SOCS6: variants seen among roughly 807,000 people sequenced by gnomAD.
The protein encoded by SOCS6 is STAT induced STAT inhibitor-4.
Under a neutral mutation model 27.7 loss-of-function variants are expected in SOCS6, and 5 were observed. The observed-to-expected ratio is 0.18, with a 90% CI of 0.09 to 0.38. The LOEUF (loss-of-function observed/expected upper bound fraction) is 0.38, where lower values mean the gene tolerates loss of function less well. Ranked by LOEUF, SOCS6 falls within the 10% of genes least tolerant of loss-of-function variation. The pLI, the probability that SOCS6 is intolerant of heterozygous loss-of-function variation, is 1.00. For missense variants in SOCS6, 595 were observed against 688.1 expected (o/e 0.86, Z 1.51); for synonymous variants, 271 against 260.0 (o/e 1.04, Z -0.41).
intron 1 of SOCS6, among the ~76,000 whole-genome samples, chr18:70,312,771 ATTTTTTT>A (rs375997089): frequency 1.6e-5 from 2 of 121,984 alleles, no homozygotes; most frequent in Non-Finnish European, 1.6e-5. Context: ...AATTCTTTGG[ATTTTTTT>A]TTTTTTTTTT....
chr18:70,319,608 T>TAAAA (rs34494275), intron 1 of SOCS6, among the ~76,000 whole-genome samples: 1 of 126,328 alleles, frequency 7.9e-6, no homozygotes, highest in African/African-American at 2.9e-5. Context: ...AGCACTTCAG[T>TAAAA]AAAAAAAAAA....
intron 1 of SOCS6, among the ~76,000 whole-genome samples, chr18:70,292,871 TTCTCAGA>T (rs1050773761): frequency 2.0e-5 from 3 of 152,170 alleles, no homozygotes; most frequent in Non-Finnish European, 4.4e-5. Context: ...GGTTGGTTCA[TTCTCAGA>T]TCTTAATGCC....
chr18:70,298,759 G>GTTT (rs2062335344), intron 1 of SOCS6, among the ~76,000 whole-genome samples: 1 of 152,136 alleles, frequency 6.6e-6, no homozygotes. Flanking sequence ...TACACACAGT[G>GTTT]GTAAAGATAA....
intron 1 of SOCS6, among the ~76,000 whole-genome samples, chr18:70,292,671 G>A (rs955837555): frequency 2.6e-5 from 4 of 152,084 alleles, no homozygotes; most frequent in Non-Finnish European, 4.4e-5. Context: ...CTTCCTCATC[G>A]ACTATAACAT....
Position 70,325,174 on chromosome 18 carries a change from A to T in SOCS6, c.506A>T (p.Asn169Ile). The stretch of plus-strand genomic sequence containing the variant: ...TCTTCCAGCCCGAGTCCAGCCCTGA[A>T]TGGCGTCCGGAAGGATTTCCACGAC... ...VHSSSPSPAL[N>I]GVRKDFHDLQ... is the part of the protein sequence containing the mutation. Residue 169 changes from asparagine to isoleucine, a missense_variant, in exon 2 of 2, where the codon AAT (asparagine) becomes ATT (isoleucine). By Grantham distance (149) the Asn-to-Ile change is moderately radical. Around this residue, in one of 2 missense-constraint regions of SOCS6, gnomAD observed 467 missense variants for 481.1 expected, o/e 0.97. Coordinates refer to ENST00000397942, the MANE Select transcript of SOCS6 (RefSeq NM_004232.4). The surrounding 1 kb of genome is among the most constrained non-coding windows in gnomAD (Gnocchi z 6.3). 1 of 1,614,126 alleles carries T rather than the reference A, an allele frequency of 6.2e-7. No homozygotes were observed. The highest frequency in any genetic ancestry group is 8.5e-7 in the Non-Finnish European group (1 of 1,179,998).
rs1016920415 is a variant in SOCS6, at chr18:70,327,338, C to A, written c.*1062C>A. 15 of 166,582 alleles carry A rather than the reference C, an allele frequency of 9.0e-5. No homozygotes were observed. Among genetic ancestry groups the A allele is most frequent in the Non-Finnish European group, 2.1e-4 (14 of 68,034 alleles). 10.3% of individuals were successfully genotyped at this position (166,582 alleles called of 1,614,324 possible). A position where few individuals can be genotyped will look rare whatever the true frequency, so the allele number is the denominator to read the frequency against. On this transcript the variant is annotated 3_prime_UTR_variant, in exon 2 of 2. Coordinates refer to ENST00000397942, the MANE Select transcript of SOCS6 (RefSeq NM_004232.4). ...GTTTTAAAGTTGGATTTATATTTTT[C>A]TTCTATGTAGTTACTATAAAAGTGT...
At chr18:70,294,700 A>T (rs2062315851) in intron 1 of SOCS6, among the ~76,000 whole-genome samples, 1 of 152,212 alleles carries the variant, frequency 6.6e-6, no homozygotes, top group Non-Finnish European at 1.5e-5. Flanking sequence ...GCAAGCTGCT[A>T]GACTGGTAAG....
intron 1 of SOCS6, among the ~76,000 whole-genome samples, chr18:70,289,709 G>A (rs939505257): frequency 1.3e-5 from 2 of 151,652 alleles, no homozygotes; most frequent in Admixed American, 1.3e-4. Flanking sequence ...CGCCGGCGCT[G>A]GTGGAGGTGC....
chr18:70,315,601 A>C (rs1233494575), intron 1 of SOCS6, among the ~76,000 whole-genome samples: 1 of 152,166 alleles, frequency 6.6e-6, no homozygotes, highest in Non-Finnish European at 1.5e-5. Flanking sequence ...TTTCTCTTGC[A>C]TAATCAAAGA....
chr18:70,289,157 G>C (rs897367422), intron 1 of SOCS6, 67 bp downstream of exon 1: 1 of 150,082 alleles, frequency 6.7e-6, no homozygotes, highest in Admixed American at 6.6e-5. Context: ...CGGGTCGCCC[G>C]CGGTCCGGGA....
Position 70,324,596 on chromosome 18 carries a change from C to A in SOCS6, c.-73C>A. 1 of 1,018,434 alleles carries A rather than the reference C, an allele frequency of 9.8e-7. No individual in the cohort carries two copies. The highest frequency in any genetic ancestry group is 1.5e-6 in the Non-Finnish European group (1 of 686,798). The allele number at this position is 1,018,434 out of a possible 1,614,324, so 63.1% of individuals were successfully genotyped here. A position where few individuals can be genotyped will look rare whatever the true frequency, so the allele number is the denominator to read the frequency against. On this transcript the variant is annotated 5_prime_UTR_variant, in exon 2 of 2. An upstream open reading frame in the 5' UTR gains an earlier in-frame stop. Transcript: ENST00000397942. ...GGAAAAATACATAGATGCAGCCTTG[C>A]AGCCTCTCCAGATGTTTGGGGATAA...
At chr18:70,294,975 G>A (rs2062317046) in intron 1 of SOCS6, among the ~76,000 whole-genome samples, 1 of 152,192 alleles carries the variant, frequency 6.6e-6, no homozygotes, top group African/African-American at 2.4e-5. Flanking sequence ...TCGGACTCTT[G>A]AGTATAGAGA....
At chr18:70,314,487 C>T (rs1339365674) in intron 1 of SOCS6, among the ~76,000 whole-genome samples, 1 of 152,072 alleles carries the variant, frequency 6.6e-6, no homozygotes, top group Non-Finnish European at 1.5e-5. Flanking sequence ...AAATACTTAC[C>T]ACTGTGTTAC....
intron 1 of SOCS6, among the ~76,000 whole-genome samples, chr18:70,322,187 A>G (rs1911017094): frequency 1.3e-5 from 2 of 152,224 alleles, no homozygotes; most frequent in Admixed American, 1.3e-4. Flanking sequence ...CAGTAAAACT[A>G]ATTCAGAACA....
intron 1 of SOCS6, among the ~76,000 whole-genome samples, chr18:70,319,205 A>G (rs1304109452): frequency 1.3e-5 from 2 of 152,118 alleles, no homozygotes; most frequent in Non-Finnish European, 2.9e-5. Context: ...GGGAATGGCA[A>G]ATAGTGTTCT....
At chr18:70,323,907 A>C (rs1911085154) in intron 1 of SOCS6, among the ~76,000 whole-genome samples, 1 of 152,162 alleles carries the variant, frequency 6.6e-6, no homozygotes, top group Admixed American at 6.5e-5. Context: ...AGGTCTAGCT[A>C]GAGTCCAGCT....
intron 1 of SOCS6, among the ~76,000 whole-genome samples, chr18:70,323,992 A>G (rs1173008183): frequency 2.0e-5 from 3 of 152,176 alleles, no homozygotes; most frequent in African/African-American, 7.2e-5. Context: ...CAAAAGGTAG[A>G]TGCAGGCTTG....
chr18:70,290,924 G>C (rs1024260633), intron 1 of SOCS6, among the ~76,000 whole-genome samples: 9 of 152,170 alleles, frequency 5.9e-5, no homozygotes, highest in Admixed American at 3.3e-4. Context: ...CCCCTCTCTT[G>C]GTGGGCCCCC....
intron 1 of SOCS6, among the ~76,000 whole-genome samples, chr18:70,292,182 G>T (rs992697483): frequency 6.6e-6 from 1 of 152,158 alleles, no homozygotes; most frequent in African/African-American, 2.4e-5. Context: ...TAAGATTTCA[G>T]TTCTCACCTT....
Sources: gnomAD v4.1 joint callset for allele counts (sites outside exome capture counted in the v4.1 genomes callset) on GRCh38, gnomAD v4.1.1 for gene constraint, gnomAD v4.1.1 regional missense constraint, Gnocchi (gnomAD v3.1) non-coding constraint, MANE v1.5 for transcripts, NCBI Gene and HGNC (gene_info 2026-07-23, HGNC 2026-07-21) for gene names.